SRSF6: variants seen among roughly 807,000 people sequenced by gnomAD.
SRSF6 encodes serine and arginine rich splicing factor 6, also known as serine/arginine-rich splicing factor 6.
SRSF6 carries 17 observed loss-of-function variants against 42.0 expected under a neutral mutation model. That is an observed-to-expected ratio of 0.40 (90% CI 0.28 to 0.61). The LOEUF is 0.61. Ranked by LOEUF, SRSF6 falls within the 20% of genes least tolerant of loss-of-function variation. The pLI is 0.37. For synonymous variants in SRSF6, 204 were observed against 166.7 expected, an observed-to-expected ratio of 1.22 and a Z score of -1.72; for missense variants, 379 against 471.4, an observed-to-expected ratio of 0.80 and a Z score of 1.81.
Position 43,461,334 on chromosome 20 carries a change from GTTGTTTTTTTTTTTTTT to G in SRSF6, c.*274_*290del, listed in dbSNP as rs1454483956. The G allele has an allele frequency of 2.1e-3, 119 of 56,488 alleles. 18 individuals carry two copies. The highest frequency in any genetic ancestry group is 0.011 in the Middle Eastern group (1 of 94). 3.5% of individuals were successfully genotyped at this position (56,488 alleles called of 1,614,324 possible). A position where few individuals can be genotyped will look rare whatever the true frequency, so the allele number is the denominator to read the frequency against. ...TTTGTAAAGATTAAGCTCATTTAGT[GTTGTTTTTTTTTTTTTT>G]TTTTTTTTTTTTTTTTTTTTTTTAG... On this transcript the variant is annotated 3_prime_UTR_variant, in exon 6 of 6. Transcript: ENST00000244020.
At position 43,462,279 on chromosome 20, in the gene SRSF6, T is replaced by C. The variant is rs1331227028; in HGVS notation, c.*1216T>C. 1 of 152,244 alleles carries C rather than the reference T, an allele frequency of 6.6e-6. No individual in the cohort carries two copies. Among genetic ancestry groups the C allele is most frequent in the Non-Finnish European group, 1.5e-5 (1 of 68,044 alleles). The allele number at this position is 152,244 out of a possible 1,614,324, so 9.4% of individuals were successfully genotyped here. ...TACTGTGGAAACCAAATTTGAATAC[T>C]GCAAATTTGTAGGAGTTACTAGGTT... is the stretch of plus-strand genomic sequence containing the variant. On this transcript the variant is annotated 3_prime_UTR_variant, in exon 6 of 6. Coordinates refer to ENST00000244020, the MANE Select transcript of SRSF6 (RefSeq NM_006275.6).
At position 43,463,865 on chromosome 20, in the gene SRSF6, T is replaced by C. The variant is rs2017644481; in HGVS notation, c.*2802T>C. The C allele has an allele frequency of 6.6e-6, 1 of 152,242 alleles. No homozygotes were observed. The highest frequency in any genetic ancestry group is 1.5e-5 in the Non-Finnish European group (1 of 68,036). The allele number at this position is 152,242 out of a possible 1,614,324, so 9.4% of individuals were successfully genotyped here. On this transcript the variant is annotated 3_prime_UTR_variant, in exon 6 of 6. Transcript: ENST00000244020. ...ATGTGAAGATTAAAAGTCAAGAATATGAACAGTACAAGAGAGTACCATAAC... is the reference window on the plus strand; with the variant it reads ...ATGTGAAGATTAAAAGTCAAGAATACGAACAGTACAAGAGAGTACCATAAC...
intron 1 of SRSF6, 46 bp from the exon 2 acceptor site, chr20:43,458,315 G>T: frequency 6.8e-7 from 1 of 1,477,288 alleles, no homozygotes; most frequent in Non-Finnish European, 9.0e-7. Context: ...TGCGCGTCCT[G>T]GCTAACGACT....
rs1366306033 is a variant in SRSF6, at chr20:43,464,209, T to C, written c.*3146T>C. 6.6e-6 allele frequency: 1 copy of C among 152,224 alleles called. No homozygotes were observed. The highest frequency in any genetic ancestry group is 1.5e-5 in the Non-Finnish European group (1 of 68,034). 9.4% of individuals were successfully genotyped at this position (152,224 alleles called of 1,614,324 possible). ...TGAATTTAAAAATTACTTTCAAGATTCAACATTACACAATAAAACTTAGAG... is the reference window on the plus strand; with the variant it reads ...TGAATTTAAAAATTACTTTCAAGATCCAACATTACACAATAAAACTTAGAG... On this transcript the variant is annotated 3_prime_UTR_variant, in exon 6 of 6. Transcript: ENST00000244020.
rs573491131 is a variant in SRSF6, at chr20:43,459,492, T to A, written c.257-279T>A. 6 of 1,291,512 alleles carry A rather than the reference T, an allele frequency of 4.6e-6. No individual in the cohort carries two copies. The South Asian group carries it at 7.7e-5, about 16-fold the overall frequency. 80.0% of individuals were successfully genotyped at this position (1,291,512 alleles called of 1,614,324 possible). On this transcript the variant is annotated intron_variant, in intron 2 of 5. Coordinates refer to ENST00000244020, the MANE Select transcript of SRSF6 (RefSeq NM_006275.6). ...AATGCATGTAATCAGTTAAGTTTTA[T>A]ATTTTACAATGTTCTGTAAAATAAA...
At position 43,460,113 on chromosome 20, in the gene SRSF6, C is replaced by G. The variant is rs1185387053; in HGVS notation, c.462C>G (p.Arg154=). 6.2e-7 allele frequency: 1 copy of G among 1,614,226 alleles called. No homozygotes were observed. The highest frequency in any genetic ancestry group is 2.2e-5 in the East Asian group (1 of 44,890). ...CAAATGAGGGTGTAATTGAGTTTCG[C>G]TCCTACTCTGACATGAAGCGTGCTT... ...ERTNEGVIEF[R]SYSDMKRALD... is the part of the protein sequence containing the mutation. Residue 154 remains arginine (R), a synonymous_variant, in exon 4 of 6, where the codon CGC becomes CGG. Transcript: ENST00000244020.
intron 1 of SRSF6, 106 bp downstream of exon 1, chr20:43,458,246 C>T (rs1200579286): frequency 1.4e-6 from 2 of 1,425,570 alleles, no homozygotes; most frequent in African/African-American, 1.5e-5. Context: ...GGCAGGGCCT[C>T]AAAGATGGCG....
rs1270623708 is a variant in SRSF6 at position 43,461,737 on chromosome 20, C to CT, written c.*677dup. 1 of 152,536 alleles carries CT rather than the reference C, an allele frequency of 6.6e-6. No individual in the cohort carries two copies. The highest frequency in any genetic ancestry group is 1.9e-4 in the East Asian group (1 of 5,198). The allele number at this position is 152,536 out of a possible 1,614,324, so 9.4% of individuals were successfully genotyped here. A position where few individuals can be genotyped will look rare whatever the true frequency, so the allele number is the denominator to read the frequency against. On this transcript the variant is annotated 3_prime_UTR_variant, in exon 6 of 6. Transcript: ENST00000244020. ...AATTTGCCAAAGTCTTTATCTGCCC[C>CT]TTTAACAAGTTGAGTAAAAATAAAA...
At position 43,461,337 on chromosome 20, in the gene SRSF6, G is replaced by GTTTTTTTGTTTTTTTTTTTTTTTTT. The variant is rs2017589818; in HGVS notation, c.*281_*282insGTTTTTTTTTTTTTTTTTTTTTTTT. The GTTTTTTTGTTTTTTTTTTTTTTTTT allele has an allele frequency of 4.6e-5, 2 of 43,828 alleles. No homozygotes were observed. The highest frequency in any genetic ancestry group is 1.6e-4 in the African/African-American group (2 of 12,240). 2.7% of individuals were successfully genotyped at this position (43,828 alleles called of 1,614,324 possible). A position where few individuals can be genotyped will look rare whatever the true frequency, so the allele number is the denominator to read the frequency against. Reference sequence around the variant, plus strand: ...GTAAAGATTAAGCTCATTTAGTGTTGTTTTTTTTTTTTTTTTTTTTTTTTT... The same window carrying GTTTTTTTGTTTTTTTTTTTTTTTTT: ...GTAAAGATTAAGCTCATTTAGTGTTGTTTTTTTGTTTTTTTTTTTTTTTTTTTTTTTTTTTTTTTTTTTTTTTTTT... On this transcript the variant is annotated 3_prime_UTR_variant, in exon 6 of 6. Coordinates refer to ENST00000244020, the MANE Select transcript of SRSF6 (RefSeq NM_006275.6).
At chr20:43,460,663 TCTCA>T (rs1482386989) in intron 5 of SRSF6, 36 bp from the exon 6 acceptor site, 14 of 1,612,312 alleles carry the variant, frequency 8.7e-6, no homozygotes, top group Non-Finnish European at 1.2e-5. Context: ...ATGTGTACAT[TCTCA>T]CTAAGTATTG....
intron 4 of SRSF6, 90 bp from the exon 5 acceptor site, chr20:43,460,425 A>G (rs1425062532): frequency 4.4e-6 from 6 of 1,361,974 alleles, no homozygotes; most frequent in Non-Finnish European, 6.2e-6. Flanking sequence ...AAAGAAAAAC[A>G]TTATTCTTTG....
rs1422199303 is a variant in SRSF6, at chr20:43,464,243, A to G, written c.*3180A>G. On this transcript the variant is annotated 3_prime_UTR_variant, in exon 6 of 6. Coordinates refer to ENST00000244020, the MANE Select transcript of SRSF6 (RefSeq NM_006275.6). ...CACAATAAAACTTAGAGTTCTTGCA[A>G]TAGAGCACCTAGTGTAGTAATTACC... The G allele has an allele frequency of 2.6e-5, 4 of 152,208 alleles. No homozygotes were observed. The highest frequency in any genetic ancestry group is 7.2e-5 in the African/African-American group (3 of 41,458). 9.4% of individuals were successfully genotyped at this position (152,208 alleles called of 1,614,324 possible). A position where few individuals can be genotyped will look rare whatever the true frequency, so the allele number is the denominator to read the frequency against.
At chr20:43,459,323 G>A (rs767656107) in intron 2 of SRSF6, 2 of 1,352,160 alleles carry the variant, frequency 1.5e-6, no homozygotes, top group African/African-American at 2.9e-5. Flanking sequence ...TGATGGTGAG[G>A]ATTCCAAGGG....
intron 2 of SRSF6, chr20:43,459,031 A>ATT (rs1044139161): frequency 1.2e-6 from 1 of 811,600 alleles, no homozygotes; most frequent in African/African-American, 1.8e-5. Context: ...ATTTGAACTA[A>ATT]TTGGGGCATG....
Position 43,458,525 on chromosome 20 carries a change from G to A in SRSF6, c.256+16G>A. On this transcript the variant is annotated intron_variant, in intron 2 of 5. Coordinates refer to ENST00000244020, the MANE Select transcript of SRSF6 (RefSeq NM_006275.6). ...GGAAGCCGCAGTGAGTCCCACCCCCGCGCGCTCCGCGCCCTTGGGGACCCT... is the reference window on the plus strand; with the variant it reads ...GGAAGCCGCAGTGAGTCCCACCCCCACGCGCTCCGCGCCCTTGGGGACCCT... The A allele has an allele frequency of 1.4e-6, 2 of 1,474,420 alleles. No individual in the cohort carries two copies. The highest frequency in any genetic ancestry group is 1.8e-6 in the Non-Finnish European group (2 of 1,120,020). 91.3% of individuals were successfully genotyped at this position (1,474,420 alleles called of 1,614,324 possible). A position where few individuals can be genotyped will look rare whatever the true frequency, so the allele number is the denominator to read the frequency against.
Position 43,458,503 on chromosome 20 carries a change from A to AGCCGCAGTGAGTCCC in SRSF6, c.251_256+9dup, listed in dbSNP as rs1372470405. 6.7e-7 allele frequency: 1 copy of AGCCGCAGTGAGTCCC among 1,503,012 alleles called. No individual in the cohort carries two copies. 93.1% of individuals were successfully genotyped at this position (1,503,012 alleles called of 1,614,324 possible). On this transcript the variant is annotated inframe_insertion, in exon 2 of 6. Coordinates refer to ENST00000244020, the MANE Select transcript of SRSF6 (RefSeq NM_006275.6). ...CGATCGCGACGGCTACAGCTACGGAAGCCGCAGTGAGTCCCACCCCCGCGC... is the reference window on the plus strand; with the variant it reads ...CGATCGCGACGGCTACAGCTACGGAAGCCGCAGTGAGTCCCGCCGCAGTGAGTCCCACCCCCGCGC...
chr20:43,458,349 C>T lies in SRSF6; in HGVS notation c.108-12C>T. On this transcript the variant is annotated splice_polypyrimidine_tract_variant and intron_variant, in intron 1 of 5. Transcript: ENST00000244020. ...CTCCCCCGCGGTTGTCCGGCCCTCGCACCGCCCCTAGGTACGGCTTCGTGG... is the reference window on the plus strand; with the variant it reads ...CTCCCCCGCGGTTGTCCGGCCCTCGTACCGCCCCTAGGTACGGCTTCGTGG... 6.5e-7 allele frequency: 1 copy of T among 1,538,438 alleles called. No homozygotes were observed. The highest frequency in any genetic ancestry group is 8.7e-7 in the Non-Finnish European group (1 of 1,145,338).
rs1409709805 is a variant in SRSF6 at position 43,463,036 on chromosome 20, A to G, written c.*1973A>G. The G allele has an allele frequency of 3.3e-5, 5 of 152,320 alleles. No homozygotes were observed. Among genetic ancestry groups the G allele is most frequent in the Non-Finnish European group, 5.9e-5 (4 of 67,774 alleles). 9.4% of individuals were successfully genotyped at this position (152,320 alleles called of 1,614,324 possible). ...GCCTTTTTAAAAGAGGGATGGGAGG[A>G]TATTACAGTAAGAAATTAGGCTTTC... On this transcript the variant is annotated 3_prime_UTR_variant, in exon 6 of 6. Transcript: ENST00000244020.
chr20:43,464,203 C>T lies in SRSF6; in HGVS notation c.*3140C>T, dbSNP rs1380950976. On this transcript the variant is annotated 3_prime_UTR_variant, in exon 6 of 6. Coordinates refer to ENST00000244020, the MANE Select transcript of SRSF6 (RefSeq NM_006275.6). Reference sequence around the variant, plus strand: ...TCAGCATGAATTTAAAAATTACTTTCAAGATTCAACATTACACAATAAAAC... The same window carrying T: ...TCAGCATGAATTTAAAAATTACTTTTAAGATTCAACATTACACAATAAAAC... 1 of 152,144 alleles carries T rather than the reference C, an allele frequency of 6.6e-6. No individual in the cohort carries two copies. Among genetic ancestry groups the T allele is most frequent in the African/African-American group, 2.4e-5 (1 of 41,440 alleles). The allele number at this position is 152,144 out of a possible 1,614,324, so 9.4% of individuals were successfully genotyped here. A position where few individuals can be genotyped will look rare whatever the true frequency, so the allele number is the denominator to read the frequency against.
Sources: gnomAD v4.1 joint callset for allele counts on GRCh38, gnomAD v4.1.1 for gene constraint, MANE v1.5 for transcripts, NCBI Gene and HGNC (gene_info 2026-07-23, HGNC 2026-07-21) for gene names.